CLSTN2: variants seen among roughly 807,000 people sequenced by gnomAD.
CLSTN2 encodes calsyntenin 2, also known as calsyntenin-2.
A neutral mutation model predicts 101.2 loss-of-function variants in CLSTN2; 48 were observed. The observed-to-expected ratio is 0.47, with a 90% CI of 0.38 to 0.60. The LOEUF is 0.60. Ranked by LOEUF, CLSTN2 falls within the 20% of genes least tolerant of loss-of-function variation. The pLI is 0.00. For missense variants in CLSTN2, 1,160 were observed against 1,238.2 expected (o/e 0.94, Z 0.95); for synonymous variants, 481 against 463.6 (o/e 1.04, Z -0.48).
At chr3:140,392,751 A>T (rs1217969718) in intron 2 of CLSTN2, among the ~76,000 whole-genome samples, 1 of 152,164 alleles carries the variant, frequency 6.6e-6, no homozygotes, top group African/African-American at 2.4e-5. Flanking sequence ...AGAGGAAAAA[A>T]ATAAATTTAA....
Position 140,419,512 on chromosome 3 carries a change from T to C in CLSTN2, c.638-1613T>C, listed in dbSNP as rs533487365. ...AAAAAAAAATATATATATATATATA[T>C]ACACACACATATGTGTGTGTATATA... On this transcript the variant is annotated intron_variant, in intron 4 of 16. Coordinates refer to ENST00000458420, the MANE Select transcript of CLSTN2 (RefSeq NM_022131.3). Among the ~76,000 whole-genome samples, 416 of 65,874 alleles carry C rather than the reference T, an allele frequency of 6.3e-3. 119 individuals are homozygous for C. The highest frequency in any genetic ancestry group is 7.6e-3 in the Non-Finnish European group (310 of 40,804). 43.2% of individuals were successfully genotyped at this position (65,874 alleles called of 152,430 possible).
chr3:140,067,769 A>G (rs917721567), intron 1 of CLSTN2, among the ~76,000 whole-genome samples: 23 of 152,154 alleles, frequency 1.5e-4, no homozygotes, highest in African/African-American at 4.8e-4. Context: ...TATCGTTTTG[A>G]TGCTGATATT....
At chr3:140,473,461 A>T (rs1043152677) in intron 8 of CLSTN2, among the ~76,000 whole-genome samples, 1 of 152,166 alleles carries the variant, frequency 6.6e-6, no homozygotes, top group African/African-American at 2.4e-5. Context: ...GATTATTCTT[A>T]TGGGCGCAAT....
chr3:140,338,564 T>TC (rs142182466), intron 2 of CLSTN2, among the ~76,000 whole-genome samples: 5,851 of 150,856 alleles, frequency 0.039, 327 homozygotes, highest in African/African-American at 0.13. Context: ...AAATGTCCAG[T>TC]CCCCCCCCGG....
At chr3:140,404,818 T>A (rs1277810198) in intron 4 of CLSTN2, 52 bp downstream of exon 4, 3 of 1,488,924 alleles carry the variant, frequency 2.0e-6, no homozygotes, top group Non-Finnish European at 1.9e-6. Context: ...ATCCATCGCC[T>A]CCACTCTGAA....
At chr3:140,482,332 C>A (rs1433653008) in intron 8 of CLSTN2, among the ~76,000 whole-genome samples, 1 of 152,170 alleles carries the variant, frequency 6.6e-6, no homozygotes, top group Non-Finnish European at 1.5e-5. Flanking sequence ...TTTTGATGTG[C>A]TGCTGGATTC....
At chr3:140,125,236 G>A (rs1222232857) in intron 1 of CLSTN2, among the ~76,000 whole-genome samples, 2 of 152,094 alleles carry the variant, frequency 1.3e-5, no homozygotes, top group African/African-American at 4.8e-5. Flanking sequence ...GGTAATTGCT[G>A]AACAGGGGAG....
intron 4 of CLSTN2, among the ~76,000 whole-genome samples, chr3:140,413,883 T>C (rs1385740975): frequency 2.0e-5 from 3 of 152,090 alleles, no homozygotes; most frequent in Non-Finnish European, 4.4e-5. Context: ...AAATAATGTA[T>C]AGAAGGAATG....
rs115506938 is a variant in CLSTN2 at position 140,041,189 on chromosome 3, T to G, written c.109+105706T>G. On this transcript the variant is annotated intron_variant, in intron 1 of 16. Coordinates refer to ENST00000458420, the MANE Select transcript of CLSTN2 (RefSeq NM_022131.3). ...AGATATACAGGCTGTGATCTTGACT[T>G]TAATTAACTGACTCGAAGTAAGTTT... 6.4e-3 allele frequency among the ~76,000 whole-genome samples: 980 copies of G among 152,324 alleles called. 10 individuals are homozygous for G. Among genetic ancestry groups the G allele is most frequent in the South Asian group, 0.044 (212 of 4,826 alleles).
intron 16 of CLSTN2, 32 bp from the exon 17 acceptor site, chr3:140,566,021 A>G: frequency 6.2e-7 from 1 of 1,613,604 alleles, no homozygotes; most frequent in Non-Finnish European, 8.5e-7. Flanking sequence ...TCAGCCCCTG[A>G]TGAGCATTTG....
intron 1 of CLSTN2, among the ~76,000 whole-genome samples, chr3:140,077,390 C>A (rs2008510604): frequency 6.6e-6 from 1 of 152,186 alleles, no homozygotes; most frequent in African/African-American, 2.4e-5. Context: ...TCACAGGGCT[C>A]TCATTTACAT....
chr3:140,025,896 C>T (rs922856066), intron 1 of CLSTN2, among the ~76,000 whole-genome samples: 7 of 152,066 alleles, frequency 4.6e-5, no homozygotes, highest in South Asian at 2.1e-4. Flanking sequence ...CACTGGGCTG[C>T]GTGATAGTGG....
At chr3:140,076,868 A>G (rs1255879638) in intron 1 of CLSTN2, among the ~76,000 whole-genome samples, 1 of 152,038 alleles carries the variant, frequency 6.6e-6, no homozygotes, top group Non-Finnish European at 1.5e-5. Flanking sequence ...ATGAAAAGGG[A>G]GACCACAGTC....
At chr3:140,177,239 C>T (rs1347765992) in intron 2 of CLSTN2, among the ~76,000 whole-genome samples, 3 of 152,156 alleles carry the variant, frequency 2.0e-5, no homozygotes, top group Non-Finnish European at 4.4e-5. Context: ...CCATACATTT[C>T]CCAATCACCC....
At chr3:140,088,523 A>T (rs554742149) in intron 1 of CLSTN2, among the ~76,000 whole-genome samples, 20 of 152,220 alleles carry the variant, frequency 1.3e-4, no homozygotes, top group Non-Finnish European at 1.8e-4. Flanking sequence ...CACCAAGTCT[A>T]CACTGACATT....
In CLSTN2 at chr3:140,566,057, A is replaced by T; in HGVS notation, c.2672A>T (p.His891Leu). 6 of 1,614,082 alleles carry T rather than the reference A, an allele frequency of 3.7e-6. No homozygotes were observed. The highest frequency in any genetic ancestry group is 4.2e-6 in the Non-Finnish European group (5 of 1,179,974). The change falls in exon 17 of 17, where the codon CAT becomes CTT. Residue 891 changes from histidine to leucine, a missense_variant. By Grantham distance (99) the His-to-Leu change is moderately conservative (BLOSUM62 -3). Coordinates refer to ENST00000458420, the MANE Select transcript of CLSTN2 (RefSeq NM_022131.3). ...CTTTTTCTCCTTGATATCCAGAAAC[A>T]TGAAGGACCAGGGCATGGGGAAGAT... is the stretch of plus-strand genomic sequence containing the variant. ...LTITVNPMEK[H>L]EGPGHGEDET...
chr3:140,564,124 T>C lies in CLSTN2; in HGVS notation c.2646T>C (p.Thr882=), dbSNP rs768078833. 1 of 1,614,072 alleles carries C rather than the reference T, an allele frequency of 6.2e-7. No homozygotes were observed. Among genetic ancestry groups the C allele is most frequent in the Admixed American group, 1.7e-5 (1 of 60,014 alleles). The stretch of plus-strand genomic sequence containing the variant: ...TGGACTGGGACGATTCTGCGCTGAC[T>C]ATCACAGTCAACCCCATGGAGGTGA... The part of the protein sequence containing the change: ...SEMDWDDSAL[T]ITVNPMEKHE... Residue 882 remains threonine (T), a synonymous_variant, in exon 16 of 17, where the codon ACT becomes ACC. Transcript: ENST00000458420.
chr3:140,047,776 T>C (rs2007909791), intron 1 of CLSTN2, among the ~76,000 whole-genome samples: 1 of 152,208 alleles, frequency 6.6e-6, no homozygotes, highest in South Asian at 2.1e-4. Flanking sequence ...GTTCCCACCA[T>C]AACCCATTAG....
rs532172298 is a variant in CLSTN2, at chr3:140,511,268, T to C, written c.1345-21056T>C. Among the ~76,000 whole-genome samples, 5 of 152,340 alleles carry C rather than the reference T, an allele frequency of 3.3e-5. No homozygotes were observed. In the South Asian group the frequency reaches 6.2e-4, roughly 19 times the overall value. On this transcript the variant is annotated intron_variant, in intron 8 of 16. Coordinates refer to ENST00000458420, the MANE Select transcript of CLSTN2 (RefSeq NM_022131.3). Reference sequence around the variant, plus strand: ...CACATTTTCTTTATCCAGTCTATCATTGATGGGCATTTAGATTGATTTCAT... The same window carrying C: ...CACATTTTCTTTATCCAGTCTATCACTGATGGGCATTTAGATTGATTTCAT...
Sources: allele counts gnomAD v4.1 joint callset (sites outside exome capture counted in the v4.1 genomes callset), GRCh38; gene constraint gnomAD v4.1.1; transcripts MANE v1.5; gene names NCBI Gene and HGNC (gene_info 2026-07-23, HGNC 2026-07-21).